LRP1B: variants seen among roughly 807,000 people sequenced by gnomAD.
The protein encoded by LRP1B is low-density lipoprotein receptor-related protein 1B.
A neutral mutation model predicts 556.6 loss-of-function variants in LRP1B; 217 were observed. The ratio of observed to expected loss-of-function variants is 0.39; its 90% confidence interval spans 0.35 to 0.44. The LOEUF (loss-of-function observed/expected upper bound fraction) is 0.44, where lower values mean the gene tolerates loss of function less well. Among genes scored for constraint, LRP1B ranks in the 20% least tolerant of loss-of-function variants. The pLI, the probability that LRP1B is intolerant of heterozygous loss-of-function variation, is 1.00. For missense variants in LRP1B, 5,053 were observed against 5,620.8 expected, an observed-to-expected ratio of 0.90 and a Z score of 3.23; for synonymous variants, 2,047 against 1,865.8, an observed-to-expected ratio of 1.10 and a Z score of -2.50.
chr2:141,182,211 A>T (rs1323573476), intron 7 of LRP1B, among the ~76,000 whole-genome samples: 1 of 152,074 alleles, frequency 6.6e-6, no homozygotes, highest in Non-Finnish European at 1.5e-5. Context: ...TACATAAAAA[A>T]TATTTAGATA....
intron 7 of LRP1B, among the ~76,000 whole-genome samples, chr2:141,166,700 G>A (rs929271420): frequency 2.0e-5 from 3 of 150,486 alleles, no homozygotes; most frequent in African/African-American, 7.3e-5. Context: ...CATTCTTGAC[G>A]ATAACATATT....
At chr2:141,882,349 T>A (rs371708027) in intron 1 of LRP1B, among the ~76,000 whole-genome samples, 1 of 152,116 alleles carries the variant, frequency 6.6e-6, no homozygotes, top group East Asian at 1.9e-4. Context: ...ATAAAAAATT[T>A]GAAGATTACG....
chr2:141,821,893 A>G (rs536586871), intron 1 of LRP1B, among the ~76,000 whole-genome samples: 5 of 152,260 alleles, frequency 3.3e-5, no homozygotes, highest in African/African-American at 1.2e-4. Flanking sequence ...CATTTCTATC[A>G]TAATGAACAA....
At chr2:141,996,487 G>A (rs1702494691) in intron 1 of LRP1B, among the ~76,000 whole-genome samples, 1 of 152,064 alleles carries the variant, frequency 6.6e-6, no homozygotes. Context: ...GAGATAACGT[G>A]GGAAAACCAA....
chr2:140,848,860 A>T (rs73964716), intron 29 of LRP1B, among the ~76,000 whole-genome samples: 5,363 of 152,206 alleles, frequency 0.035, 308 homozygotes, highest in African/African-American at 0.12. Flanking sequence ...CTCCACCATG[A>T]CATGTACATG....
Position 140,886,133 on chromosome 2 carries a change from T to C in LRP1B, c.3964+5A>G. 1.3e-6 allele frequency: 2 copies of C among 1,541,800 alleles called. No individual in the cohort carries two copies. The highest frequency in any genetic ancestry group is 1.8e-4 in the Middle Eastern group (1 of 5,696). ...AAACATTAAGAAAAATTATAATATATGTACCTCCACTTTCAGAAAGCTTTC... is the reference window on the plus strand; with the variant it reads ...AAACATTAAGAAAAATTATAATATACGTACCTCCACTTTCAGAAAGCTTTC... On this transcript the variant is annotated splice_donor_5th_base_variant and intron_variant, in intron 24 of 90. Coordinates refer to ENST00000389484, the MANE Select transcript of LRP1B (RefSeq NM_018557.3).
intron 59 of LRP1B, among the ~76,000 whole-genome samples, chr2:140,476,455 T>C (rs565382656): frequency 6.6e-6 from 1 of 152,148 alleles, no homozygotes; most frequent in African/African-American, 2.4e-5. Flanking sequence ...ATCTAAAACA[T>C]TCTTTAAAGA....
At chr2:140,626,696 C>A (rs1357439185) in intron 41 of LRP1B, among the ~76,000 whole-genome samples, 2 of 82,218 alleles carry the variant, frequency 2.4e-5, no homozygotes. Flanking sequence ...TTTAAAGCTT[C>A]CATTTAAAAA....
At chr2:141,681,508 G>A (rs1161722227) in intron 2 of LRP1B, among the ~76,000 whole-genome samples, 1 of 151,488 alleles carries the variant, frequency 6.6e-6, no homozygotes, top group Non-Finnish European at 1.5e-5. Flanking sequence ...TTTTTTTCCT[G>A]TTACTTTATG....
At chr2:141,876,573 A>G (rs1329394294) in intron 1 of LRP1B, among the ~76,000 whole-genome samples, 3 of 151,980 alleles carry the variant, frequency 2.0e-5, no homozygotes, top group African/African-American at 7.2e-5. Flanking sequence ...CAAAAATTCT[A>G]TTAGTTCTAG....
intron 2 of LRP1B, among the ~76,000 whole-genome samples, chr2:141,481,813 G>C (rs180830431): frequency 1.3e-4 from 20 of 152,232 alleles, no homozygotes; most frequent in African/African-American, 3.4e-4. Flanking sequence ...TATTTCACAG[G>C]GTTGTGGTGA....
At chr2:141,401,027 C>T (rs1281438071) in intron 3 of LRP1B, among the ~76,000 whole-genome samples, 2 of 152,128 alleles carry the variant, frequency 1.3e-5, no homozygotes, top group Non-Finnish European at 2.9e-5. Flanking sequence ...AGACAAGGTG[C>T]TTTGCTAGAA....
intron 4 of LRP1B, among the ~76,000 whole-genome samples, chr2:141,254,222 C>T (rs1684375818): frequency 6.6e-6 from 1 of 152,060 alleles, no homozygotes; most frequent in Non-Finnish European, 1.5e-5. Flanking sequence ...AGCTATATAA[C>T]AGCCATACAA....
rs779133365 is a variant in LRP1B, at chr2:141,231,325, T to C, written c.593-1885A>G. On this transcript the variant is annotated intron_variant, in intron 5 of 90. Coordinates refer to ENST00000389484, the MANE Select transcript of LRP1B (RefSeq NM_018557.3). ...AGATAGAAGAGCCCTCCAGTGAATA[T>C]GATTTGGGGCCTCCCCTCACAGGCT... 3.3e-5 allele frequency among the ~76,000 whole-genome samples: 5 copies of C among 152,314 alleles called. No homozygotes were observed. The East Asian group carries it at 9.7e-4, about 29-fold the overall frequency.
At chr2:140,752,257 C>T (rs1243318582) in intron 35 of LRP1B, among the ~76,000 whole-genome samples, 3 of 151,546 alleles carry the variant, frequency 2.0e-5, no homozygotes, top group South Asian at 2.1e-4. Context: ...AAACAAAACA[C>T]TTAGCCACGG....
At chr2:141,818,515 T>G (rs2105724262) in intron 1 of LRP1B, among the ~76,000 whole-genome samples, 1 of 148,552 alleles carries the variant, frequency 6.7e-6, no homozygotes, top group East Asian at 2.1e-4. Context: ...TTTCCCTAAA[T>G]ATAACATTTC....
intron 12 of LRP1B, among the ~76,000 whole-genome samples, chr2:141,016,711 C>G (rs1321881211): frequency 6.6e-6 from 1 of 152,022 alleles, no homozygotes; most frequent in Non-Finnish European, 1.5e-5. Flanking sequence ...GGTTAAAACC[C>G]ACCACATGTG....
intron 1 of LRP1B, among the ~76,000 whole-genome samples, chr2:141,903,052 A>C (rs1699665142): frequency 6.6e-6 from 1 of 151,730 alleles, no homozygotes. Context: ...CCCTGCCCTT[A>C]GTATGCCAGT....
intron 2 of LRP1B, among the ~76,000 whole-genome samples, chr2:141,689,394 A>G (rs1691431350): frequency 6.6e-6 from 1 of 151,858 alleles, no homozygotes; most frequent in Non-Finnish European, 1.5e-5. Flanking sequence ...AAACACAAAC[A>G]AACTCCATTC....
Sources: gnomAD v4.1 joint callset for allele counts (sites outside exome capture counted in the v4.1 genomes callset) on GRCh38, gnomAD v4.1.1 for gene constraint, MANE v1.5 for transcripts, NCBI Gene and HGNC (gene_info 2026-07-23, HGNC 2026-07-21) for gene names.